The following PLXNA4 variants were observed in gnomAD, a reference collection of about 807,000 sequenced individuals.
PLXNA4 encodes plexin-A4.
In PLXNA4, 44 loss-of-function variants were observed where a neutral mutation model predicts 191.8. The observed-to-expected ratio is 0.23, with a 90% CI of 0.18 to 0.29. The LOEUF (loss-of-function observed/expected upper bound fraction) is 0.29. Ranked by LOEUF, PLXNA4 falls within the 10% of genes least tolerant of loss-of-function variation. PLXNA4 has a pLI of 1.00. For missense variants in PLXNA4, 1,800 were observed against 2,488.8 expected (o/e 0.72, Z 5.89); for synonymous variants, 1,082 against 1,009.5 (o/e 1.07, Z -1.36).
chr7:132,584,888 C>T (rs1274061596), intron 2 of PLXNA4, among the ~76,000 whole-genome samples: 1 of 152,206 alleles, frequency 6.6e-6, no homozygotes, highest in African/African-American at 2.4e-5. Flanking sequence ...CGCCAGTCCT[C>T]TGCTCACTCT....
At chr7:132,175,010 C>T (rs1275852555) in intron 20 of PLXNA4, 90 bp from the exon 21 acceptor site, 26 of 1,547,862 alleles carry the variant, frequency 1.7e-5, no homozygotes, top group Non-Finnish European at 2.2e-5. Context: ...TTACCCAAGC[C>T]CCTAGGAGAC....
chr7:132,418,912 A>G (rs1794752894), intron 3 of PLXNA4, among the ~76,000 whole-genome samples: 2 of 152,146 alleles, frequency 1.3e-5, no homozygotes, highest in Non-Finnish European at 2.9e-5. Context: ...ATTTGTTCCC[A>G]TCGATCACTA....
At chr7:132,392,815 A>G (rs1196736192) in intron 3 of PLXNA4, among the ~76,000 whole-genome samples, 1 of 152,168 alleles carries the variant, frequency 6.6e-6, no homozygotes, top group Non-Finnish European at 1.5e-5. Flanking sequence ...ACCAGGGAGT[A>G]GACACAGACA....
At chr7:132,543,290 C>T (rs1800159854) in intron 1 of PLXNA4, among the ~76,000 whole-genome samples, 1 of 152,190 alleles carries the variant, frequency 6.6e-6, no homozygotes, top group Admixed American at 6.5e-5. Context: ...AAAATGTTCC[C>T]ATGCTTAATA....
chr7:132,170,114 T>TGTCA (rs1220992675), intron 21 of PLXNA4, among the ~76,000 whole-genome samples: 2 of 152,122 alleles, frequency 1.3e-5, no homozygotes, highest in African/African-American at 4.8e-5. Context: ...GGTTTAATTC[T>TGTCA]GTCACAGTCA....
chr7:132,276,233 G>T (rs1009120963), intron 4 of PLXNA4, among the ~76,000 whole-genome samples: 3 of 152,156 alleles, frequency 2.0e-5, no homozygotes, highest in Admixed American at 6.5e-5. Flanking sequence ...TATGAGTGGG[G>T]ACTTTCTAAA....
At chr7:132,633,627 T>A (rs1367750205) in intron 2 of PLXNA4, among the ~76,000 whole-genome samples, 1 of 152,188 alleles carries the variant, frequency 6.6e-6, no homozygotes, top group African/African-American at 2.4e-5. Context: ...GTCTACTGTG[T>A]CATCAAGGAT....
At chr7:132,622,894 GC>G (rs1396756850) in intron 2 of PLXNA4, among the ~76,000 whole-genome samples, 1 of 152,192 alleles carries the variant, frequency 6.6e-6, no homozygotes, top group Non-Finnish European at 1.5e-5. Context: ...TGGAGAAATT[GC>G]CCGAGGTAGA....
intron 2 of PLXNA4, among the ~76,000 whole-genome samples, chr7:132,607,627 G>C (rs1177399902): frequency 2.0e-5 from 3 of 152,212 alleles, no homozygotes; most frequent in East Asian, 3.8e-4. Context: ...GATGTTCTCT[G>C]AGCCTGTGCC....
At chr7:132,500,944 C>T (rs1798224007) in intron 2 of PLXNA4, among the ~76,000 whole-genome samples, 1 of 152,164 alleles carries the variant, frequency 6.6e-6, no homozygotes, top group African/African-American at 2.4e-5. Flanking sequence ...GACCAGTAAC[C>T]CGGCCAAGAC....
intron 1 of PLXNA4, among the ~76,000 whole-genome samples, chr7:132,563,780 TCTTCCTC>T (rs1801522358): frequency 9.5e-6 from 1 of 105,164 alleles, no homozygotes; most frequent in Non-Finnish European, 1.9e-5. Flanking sequence ...TTCCTCCTCC[TCTTCCTC>T]CTCCTTCTCC....
chr7:132,133,709 A>C (rs1480108956), intron 30 of PLXNA4, among the ~76,000 whole-genome samples: 1 of 152,170 alleles, frequency 6.6e-6, no homozygotes, highest in Non-Finnish European at 1.5e-5. Flanking sequence ...AGTCACTGTC[A>C]CTTGCAGCTG....
At chr7:132,632,311 A>G (rs1803508437) in intron 2 of PLXNA4, among the ~76,000 whole-genome samples, 1 of 152,060 alleles carries the variant, frequency 6.6e-6, no homozygotes, top group Admixed American at 6.6e-5. Flanking sequence ...ATTAGAGCTC[A>G]TGGTAGGCAA....
At chr7:132,219,571 C>T (rs1278154645) in intron 9 of PLXNA4, among the ~76,000 whole-genome samples, 1 of 152,144 alleles carries the variant, frequency 6.6e-6, no homozygotes, top group Admixed American at 6.5e-5. Flanking sequence ...TTCAGATTAT[C>T]GTGCTGTGAG....
intron 2 of PLXNA4, among the ~76,000 whole-genome samples, chr7:132,497,087 CCATTA>C (rs1798049569): frequency 1.3e-5 from 2 of 151,262 alleles, no homozygotes; most frequent in Non-Finnish European, 2.9e-5. Flanking sequence ...AAATTTCTTC[CCATTA>C]ATTACACTTA....
intron 3 of PLXNA4, among the ~76,000 whole-genome samples, chr7:132,438,564 T>A (rs185253071): frequency 5.3e-5 from 8 of 152,328 alleles, no homozygotes; most frequent in Admixed American, 4.6e-4. Flanking sequence ...AACTGGATAA[T>A]CTCAGTATTA....
intron 4 of PLXNA4, among the ~76,000 whole-genome samples, chr7:132,253,671 T>C (rs1253965513): frequency 2.0e-5 from 3 of 152,114 alleles, no homozygotes; most frequent in Admixed American, 6.5e-5. Context: ...CCCTGGGCCA[T>C]GGGGGAGTTT....
intron 1 of PLXNA4, among the ~76,000 whole-genome samples, chr7:132,542,626 A>G (rs1164199167): frequency 6.6e-6 from 1 of 152,156 alleles, no homozygotes. Flanking sequence ...TAGAAATCCA[A>G]TTAGATAGAT....
chr7:132,408,559 G>A (rs2117078408), intron 3 of PLXNA4, among the ~76,000 whole-genome samples: 1 of 152,174 alleles, frequency 6.6e-6, no homozygotes, highest in Admixed American at 6.5e-5. Flanking sequence ...TACCACCCGG[G>A]TTCAAGTGAT....
Sources: allele counts gnomAD v4.1 joint callset (sites outside exome capture counted in the v4.1 genomes callset), GRCh38; gene constraint gnomAD v4.1.1; transcripts MANE v1.5; gene names NCBI Gene and HGNC (gene_info 2026-07-23, HGNC 2026-07-21).